Variants in CELF2 observed in about 807,000 individuals in gnomAD.
CELF2 encodes CUG triplet repeat RNA-binding protein 2.
CELF2 carries 8 observed loss-of-function variants against 62.6 expected under a neutral mutation model. The observed-to-expected ratio is 0.13, with a 90% CI of 0.07 to 0.23. CELF2 has a LOEUF of 0.23. Ranked by LOEUF, CELF2 falls within the 10% of genes least tolerant of loss-of-function variation. CELF2 has a pLI of 1.00. For missense variants in CELF2, 333 were observed against 671.0 expected (o/e 0.50, Z 5.56); for synonymous variants, 258 against 250.0 (o/e 1.03, Z -0.30).
chr10:11,174,260 C>T (rs902716088), intron 2 of CELF2, among the ~76,000 whole-genome samples: 1 of 152,124 alleles, frequency 6.6e-6, no homozygotes, highest in African/African-American at 2.4e-5. Context: ...TAGACAAACA[C>T]ACACACACAA....
At chr10:10,693,512 G>A in the CELF2 span, among the ~76,000 whole-genome samples, 7 of 151,956 alleles carry the variant, frequency 4.6e-5, no homozygotes, top group Admixed American at 3.9e-4. Context: ...GTATCAGAAT[G>A]ATGCTGGCCT....
intron 1 of CELF2, among the ~76,000 whole-genome samples, chr10:11,028,420 TTC>T (rs2059584059): frequency 1.3e-5 from 1 of 75,182 alleles, no homozygotes; most frequent in African/African-American, 3.6e-5. Flanking sequence ...TCTTTTCTTT[TTC>T]TTTTTTTTTT....
intron 1 of CELF2, among the ~76,000 whole-genome samples, chr10:10,842,505 T>G (rs141370383): frequency 1.4e-3 from 218 of 152,164 alleles, no homozygotes; most frequent in African/African-American, 5.0e-3. Flanking sequence ...TATGAATGAA[T>G]GTTAGAATTT....
intron 1 of CELF2, among the ~76,000 whole-genome samples, chr10:11,118,580 T>C (rs1272356757): frequency 6.6e-6 from 1 of 152,208 alleles, no homozygotes; most frequent in African/African-American, 2.4e-5. Context: ...AACTGAGGCA[T>C]GGTGACTTCA....
intron 2 of CELF2, among the ~76,000 whole-genome samples, chr10:11,189,491 G>A (rs76893279): frequency 6.6e-6 from 1 of 152,134 alleles, no homozygotes; most frequent in African/African-American, 2.4e-5. Flanking sequence ...CTCACTGAGG[G>A]TTTTTTTCCC....
At chr10:10,717,689 T>C in the CELF2 span, among the ~76,000 whole-genome samples, 1 of 152,124 alleles carries the variant, frequency 6.6e-6, no homozygotes. Flanking sequence ...GTAATTTAAA[T>C]GAACAACAAA....
At chr10:10,683,412 C>A in the CELF2 span, among the ~76,000 whole-genome samples, 32 of 152,120 alleles carry the variant, frequency 2.1e-4, no homozygotes, top group Non-Finnish European at 3.4e-4. Flanking sequence ...CTTGTGTTTT[C>A]CATTCGTTTC....
intron 2 of CELF2, among the ~76,000 whole-genome samples, chr10:10,994,415 T>C (rs1025116448): frequency 4.6e-5 from 7 of 152,222 alleles, no homozygotes; most frequent in African/African-American, 1.7e-4. Flanking sequence ...TTTACTATGT[T>C]GAATGCAGAT....
chr10:11,214,649 C>G lies in CELF2; in HGVS notation c.272-2776C>G, dbSNP rs888661958. Among the ~76,000 whole-genome samples the G allele has an allele frequency of 6.6e-6, 1 of 152,138 alleles. No homozygotes were observed. The highest frequency in any genetic ancestry group is 2.4e-5 in the African/African-American group (1 of 41,430). On this transcript the variant is annotated intron_variant, in intron 2 of 12. Transcript: ENST00000633077. The surrounding 1 kb of genome is among the most constrained non-coding windows in gnomAD (Gnocchi z 4.2). ...CTGTGCTGGGGCTCAGCTCTTGGGT[C>G]GGACAGATGAACGGTAAGGCACATT...
At chr10:10,517,281 G>A in the CELF2 span, among the ~76,000 whole-genome samples, 2 of 152,088 alleles carry the variant, frequency 1.3e-5, no homozygotes, top group Non-Finnish European at 2.9e-5. Flanking sequence ...GGCCTGAAGT[G>A]GTAGGAGGTG....
chr10:11,256,612 T>A, intron 4 of CELF2, among the ~76,000 whole-genome samples: 2 of 111,922 alleles, frequency 1.8e-5, no homozygotes, highest in South Asian at 2.8e-4. Flanking sequence ...TAGATTGAAA[T>A]GAAACGATGG....
At chr10:10,770,492 T>C in the CELF2 span, among the ~76,000 whole-genome samples, 2 of 151,744 alleles carry the variant, frequency 1.3e-5, no homozygotes, top group African/African-American at 4.8e-5. Context: ...AGCAGAAAAT[T>C]AGAGCAAACT....
intron 1 of CELF2, among the ~76,000 whole-genome samples, chr10:11,028,199 T>C (rs560343003): frequency 6.6e-6 from 1 of 152,324 alleles, no homozygotes; most frequent in Admixed American, 6.5e-5. Flanking sequence ...ATGTTCCTTC[T>C]GTGAACTAGT....
the CELF2 span, among the ~76,000 whole-genome samples, chr10:10,726,934 T>A: frequency 6.6e-6 from 1 of 152,168 alleles, no homozygotes; most frequent in African/African-American, 2.4e-5. Flanking sequence ...AAATTTTGAC[T>A]CATGGCGGAA....
At chr10:10,649,002 T>C in the CELF2 span, among the ~76,000 whole-genome samples, 1 of 152,208 alleles carries the variant, frequency 6.6e-6, no homozygotes, top group African/African-American at 2.4e-5. Context: ...CCTTATGGTA[T>C]ATTGTAACTT....
the CELF2 span, among the ~76,000 whole-genome samples, chr10:10,772,508 C>T: frequency 2.6e-5 from 4 of 152,184 alleles, no homozygotes; most frequent in East Asian, 1.9e-4. Flanking sequence ...CAAACCTTTT[C>T]GATAAACACT....
chr10:10,735,309 CA>C, the CELF2 span, among the ~76,000 whole-genome samples: 1 of 152,246 alleles, frequency 6.6e-6, no homozygotes, highest in South Asian at 2.1e-4. Flanking sequence ...TTAAATTCTG[CA>C]TTTCACTTTA....
chr10:10,729,052 C>T, the CELF2 span, among the ~76,000 whole-genome samples: 1 of 151,992 alleles, frequency 6.6e-6, no homozygotes, highest in African/African-American at 2.4e-5. Context: ...AATTTGGCTC[C>T]ATAAAAAGAA....
chr10:11,203,590 A>ACC (rs990635449), intron 2 of CELF2, among the ~76,000 whole-genome samples: 2 of 151,982 alleles, frequency 1.3e-5, no homozygotes, highest in African/African-American at 4.8e-5. Flanking sequence ...CTGTCAAGAC[A>ACC]CCCCCTCTCC....
Sources: allele counts gnomAD v4.1 joint callset (sites outside exome capture counted in the v4.1 genomes callset), GRCh38; gene constraint gnomAD v4.1.1; non-coding constraint Gnocchi (gnomAD v3.1); transcripts MANE v1.5; gene names NCBI Gene and HGNC (gene_info 2026-07-23, HGNC 2026-07-21).